The following PIGL variants were observed in gnomAD, a reference collection of about 807,000 sequenced individuals.
The protein encoded by PIGL is N-acetylglucosaminyl-phosphatidylinositol de-N-acetylase.
A neutral mutation model predicts 31.1 loss-of-function variants in PIGL; 22 were observed. The ratio of observed to expected loss-of-function variants is 0.71; its 90% confidence interval spans 0.51 to 1.01. PIGL has a LOEUF of 1.01. Among genes scored for constraint, PIGL ranks in the 50% least tolerant of loss-of-function variants. The probability of loss-of-function intolerance (pLI) is 0.00; values close to 1 mark genes in which losing one functional copy is unlikely to be tolerated. For missense variants in PIGL, 302 were observed against 315.9 expected, an observed-to-expected ratio of 0.96 and a Z score of 0.33; for synonymous variants, 131 against 117.4, an observed-to-expected ratio of 1.12 and a Z score of -0.75.
intron 2 of PIGL, among the ~76,000 whole-genome samples, chr17:16,258,364 G>C (rs2092805880): frequency 1.3e-5 from 2 of 151,228 alleles, no homozygotes; most frequent in Non-Finnish European, 3.0e-5. Flanking sequence ...ATTTTTAGTA[G>C]AGACGGCATT....
chr17:16,260,905 G>C (rs1005280358), intron 2 of PIGL, among the ~76,000 whole-genome samples: 4 of 152,044 alleles, frequency 2.6e-5, no homozygotes, highest in Non-Finnish European at 5.9e-5. Context: ...AGATCAGGAG[G>C]TCAGGAGTTT....
At chr17:16,318,264 T>C (rs1343474225) in intron 6 of PIGL, among the ~76,000 whole-genome samples, 2 of 151,642 alleles carry the variant, frequency 1.3e-5, no homozygotes, top group Non-Finnish European at 2.9e-5. Flanking sequence ...TTGGGCTACA[T>C]CTTTCTACTC....
chr17:16,254,600 TG>T (rs1490779824), intron 2 of PIGL, among the ~76,000 whole-genome samples: 8 of 118,966 alleles, frequency 6.7e-5, no homozygotes, highest in Non-Finnish European at 1.2e-4. Context: ...TTTGGTTGGT[TG>T]TTTTTTTGTT....
chr17:16,313,653 T>C, intron 4 of PIGL, 39 bp downstream of exon 4: 1 of 1,468,014 alleles, frequency 6.8e-7, no homozygotes, highest in Non-Finnish European at 9.6e-7. Context: ...GGAGGGTTTG[T>C]TTATTTGATT....
intron 3 of PIGL, among the ~76,000 whole-genome samples, chr17:16,311,803 A>G (rs1413608943): frequency 2.0e-5 from 3 of 152,150 alleles, no homozygotes; most frequent in African/African-American, 7.2e-5. Flanking sequence ...CAGCATCGCA[A>G]GGCAGAAGAA....
intron 2 of PIGL, among the ~76,000 whole-genome samples, chr17:16,248,144 C>T (rs967503796): frequency 1.3e-5 from 2 of 152,146 alleles, no homozygotes; most frequent in Admixed American, 6.6e-5. Flanking sequence ...CCTTGGCCTC[C>T]CAAAGTGCTG....
intron 3 of PIGL, 74 bp from the exon 4 acceptor site, chr17:16,313,473 A>T (rs1028497849): frequency 3.0e-5 from 32 of 1,060,568 alleles, no homozygotes; most frequent in Admixed American, 1.2e-4. Flanking sequence ...CTCCTTCCCA[A>T]GGGAAGGAGA....
intron 1 of PIGL, among the ~76,000 whole-genome samples, chr17:16,227,415 G>A (rs1289691614): frequency 6.6e-6 from 1 of 151,854 alleles, no homozygotes; most frequent in African/African-American, 2.4e-5. Flanking sequence ...CCAGTGAAAG[G>A]TAGCAATTTC....
intron 2 of PIGL, among the ~76,000 whole-genome samples, chr17:16,240,446 G>A (rs948587199): frequency 1.3e-5 from 2 of 152,088 alleles, no homozygotes; most frequent in African/African-American, 2.4e-5. Flanking sequence ...TCAAAGTGCT[G>A]AGATTATGGA....
intron 3 of PIGL, among the ~76,000 whole-genome samples, chr17:16,310,286 A>AGTGTGTGT (rs10522327): frequency 3.3e-3 from 485 of 146,368 alleles, no homozygotes; most frequent in Middle Eastern, 0.01. Flanking sequence ...ATTATTAAAA[A>AGTGTGTGT]GTGTGTGTGT....
chr17:16,257,743 T>G (rs1272654200), intron 2 of PIGL, among the ~76,000 whole-genome samples: 1 of 151,902 alleles, frequency 6.6e-6, no homozygotes, highest in African/African-American at 2.4e-5. Context: ...GAGAGTAAAG[T>G]GAAAATGTCA....
At chr17:16,289,146 G>A (rs2092950073) in intron 2 of PIGL, among the ~76,000 whole-genome samples, 1 of 152,176 alleles carries the variant, frequency 6.6e-6, no homozygotes, top group African/African-American at 2.4e-5. Flanking sequence ...GTAAAGTGAT[G>A]GAGTGCAAAG....
intron 4 of PIGL, among the ~76,000 whole-genome samples, chr17:16,314,042 A>G (rs1488717711): frequency 6.6e-6 from 1 of 152,182 alleles, no homozygotes; most frequent in Non-Finnish European, 1.5e-5. Flanking sequence ...TGTGTTTTAT[A>G]CAACTCTCAA....
At chr17:16,321,237 CTTTTTTTT>C (rs772667855) in intron 6 of PIGL, among the ~76,000 whole-genome samples, 29 of 119,820 alleles carry the variant, frequency 2.4e-4, no homozygotes, top group African/African-American at 1.0e-3. Flanking sequence ...TGCGCCGGGC[CTTTTTTTT>C]TTTTTTTTTT....
intron 2 of PIGL, among the ~76,000 whole-genome samples, chr17:16,265,311 C>A (rs2092837624): frequency 6.6e-6 from 1 of 152,136 alleles, no homozygotes; most frequent in Non-Finnish European, 1.5e-5. Flanking sequence ...ACATAGTGAG[C>A]AAGTTGTGGT....
At chr17:16,263,271 T>C (rs938562698) in intron 2 of PIGL, among the ~76,000 whole-genome samples, 2 of 150,786 alleles carry the variant, frequency 1.3e-5, no homozygotes, top group African/African-American at 4.9e-5. Flanking sequence ...CTCAAACTCC[T>C]GGGCTAAAGT....
chr17:16,225,897 T>C (rs1222923216), intron 1 of PIGL, among the ~76,000 whole-genome samples: 1 of 151,912 alleles, frequency 6.6e-6, no homozygotes, highest in Non-Finnish European at 1.5e-5. Flanking sequence ...ATTAAATCTT[T>C]CCAGCCTGTG....
intron 2 of PIGL, among the ~76,000 whole-genome samples, chr17:16,277,248 GAA>G (rs1215839231): frequency 6.6e-6 from 1 of 151,608 alleles, no homozygotes. Flanking sequence ...AAGCCTTGGT[GAA>G]AAAAAAGTTT....
chr17:16,311,747 C>T lies in PIGL; in HGVS notation c.427-1800C>T, dbSNP rs551526172. Among the ~76,000 whole-genome samples, 23 of 151,734 alleles carry T rather than the reference C, an allele frequency of 1.5e-4. No individual in the cohort carries two copies. The East Asian group carries it at 4.5e-3, about 29-fold the overall frequency. On this transcript the variant is annotated intron_variant, in intron 3 of 6. Coordinates refer to ENST00000225609, the MANE Select transcript of PIGL (RefSeq NM_004278.4). ...TCCATTTAACCCTGAGTGGACACAG[C>T]ACATGTTTCAGAGAGCACAGGGTTG...
Sources: allele counts gnomAD v4.1 joint callset (sites outside exome capture counted in the v4.1 genomes callset), GRCh38; gene constraint gnomAD v4.1.1; transcripts MANE v1.5; gene names NCBI Gene and HGNC (gene_info 2026-07-23, HGNC 2026-07-21).